Variants in LGR6 observed in about 807,000 individuals in gnomAD.
The protein encoded by LGR6 is leucine rich repeat containing G protein-coupled receptor 6.
In LGR6, 45 loss-of-function variants were observed where a neutral mutation model predicts 69.4. The observed-to-expected ratio is 0.65, with a 90% CI of 0.51 to 0.83. The LOEUF is 0.83. LGR6 is among the 40% of genes least tolerant of loss of function. The probability of loss-of-function intolerance (pLI) is 0.00; values close to 1 mark genes in which losing one functional copy is unlikely to be tolerated. For synonymous variants in LGR6, 538 were observed against 555.0 expected, an observed-to-expected ratio of 0.97 and a Z score of 0.43; for missense variants, 1,108 against 1,246.7, an observed-to-expected ratio of 0.89 and a Z score of 1.68.
At chr1:202,223,832 A>C (rs1660324566) in intron 1 of LGR6, among the ~76,000 whole-genome samples, 1 of 26,576 alleles carries the variant, frequency 3.8e-5, no homozygotes, top group Non-Finnish European at 7.0e-5. Context: ...CAAGTGTCCC[A>C]GCCCCACAGG....
chr1:202,234,702 GTT>G (rs1300061257), intron 3 of LGR6, among the ~76,000 whole-genome samples: 1 of 152,186 alleles, frequency 6.6e-6, no homozygotes, highest in Non-Finnish European at 1.5e-5. Flanking sequence ...ACAAGGGTGA[GTT>G]TGAATTAATA....
intron 1 of LGR6, among the ~76,000 whole-genome samples, chr1:202,205,397 A>AAC (rs1659145916): frequency 3.7e-3 from 6 of 1,600 alleles, no homozygotes; most frequent in African/African-American, 0.012. Flanking sequence ...ACCTCCTTCA[A>AAC]ACACACACAC....
chr1:202,319,378 G>T lies in LGR6; in HGVS notation c.*171G>T. ...CTCTCTCCTGTGACCATCACCAACG[G>T]GTGCCTCTTGGCCTGGCTTTCCCTT... On this transcript the variant is annotated 3_prime_UTR_variant, in exon 18 of 18. Coordinates refer to ENST00000367278, the MANE Select transcript of LGR6 (RefSeq NM_001017403.2). The T allele has an allele frequency of 1.5e-6, 1 of 665,554 alleles. No homozygotes were observed. The highest frequency in any genetic ancestry group is 2.4e-6 in the Non-Finnish European group (1 of 424,786). The allele number at this position is 665,554 out of a possible 1,614,324, so 41.2% of individuals were successfully genotyped here.
chr1:202,306,478 A>G (rs2148283025), intron 12 of LGR6, among the ~76,000 whole-genome samples: 1 of 152,190 alleles, frequency 6.6e-6, no homozygotes, highest in Admixed American at 6.5e-5. Flanking sequence ...CCATTCAACC[A>G]GTCTACTGAG....
intron 17 of LGR6, 111 bp downstream of exon 17, chr1:202,314,993 G>C: frequency 7.9e-6 from 6 of 762,518 alleles, no homozygotes; most frequent in Non-Finnish European, 1.4e-5. Context: ...TTCTTTGCCT[G>C]ACTCCCAGCC....
In LGR6 at chr1:202,300,842, C is replaced by T; in HGVS notation, c.786-7C>T. 6.2e-7 allele frequency: 1 copy of T among 1,605,356 alleles called. No individual in the cohort carries two copies. Among genetic ancestry groups the T allele is most frequent in the South Asian group, 1.1e-5 (1 of 89,444 alleles). ...AATCCTCACTGGTTCCTGGTGTTGT[C>T]TTCCAGGGGGTTCCATAACAACAAC... On this transcript the variant is annotated splice_region_variant and splice_polypyrimidine_tract_variant and intron_variant, in intron 7 of 17. Transcript: ENST00000367278.
intron 6 of LGR6, among the ~76,000 whole-genome samples, chr1:202,291,677 C>G (rs985114532): frequency 3.9e-5 from 6 of 152,178 alleles, no homozygotes; most frequent in African/African-American, 1.4e-4. Flanking sequence ...GGACTTCAAT[C>G]CCCGCCCTTC....
chr1:202,308,192 A>G (rs1030452862), intron 14 of LGR6, among the ~76,000 whole-genome samples: 16 of 152,242 alleles, frequency 1.1e-4, no homozygotes, highest in African/African-American at 3.9e-4. Context: ...GCCAAGGGCC[A>G]GGACTCCCAG....
chr1:202,307,964 C>T (rs1428974149), intron 14 of LGR6, among the ~76,000 whole-genome samples: 2 of 152,214 alleles, frequency 1.3e-5, no homozygotes, highest in African/African-American at 4.8e-5. Context: ...AGGTTATTCA[C>T]TGCGCAAGCA....
rs543091649 is a variant in LGR6 at position 202,234,425 on chromosome 1, G to A, written c.357-1497G>A. Among the ~76,000 whole-genome samples the A allele has an allele frequency of 1.1e-3, 173 of 152,164 alleles. 1 individual carries two copies. The highest frequency in any genetic ancestry group is 1.9e-3 in the Non-Finnish European group (127 of 68,036). On this transcript the variant is annotated intron_variant, in intron 3 of 17. Coordinates refer to ENST00000367278, the MANE Select transcript of LGR6 (RefSeq NM_001017403.2). ...TCATATTTGAGATTTTCACATACCCGTAAGAGGAGTTTAAGAGAGATGACA... is the reference window on the plus strand; with the variant it reads ...TCATATTTGAGATTTTCACATACCCATAAGAGGAGTTTAAGAGAGATGACA...
chr1:202,306,773 G>A (rs1653234946), intron 12 of LGR6, 95 bp from the exon 13 acceptor site: 1 of 1,109,328 alleles, frequency 9.0e-7, no homozygotes, highest in Non-Finnish European at 1.4e-6. Context: ...AGGAGAAGTG[G>A]GGGGCTCTAC....
At chr1:202,277,686 G>A (rs1028097443) in intron 5 of LGR6, among the ~76,000 whole-genome samples, 3 of 152,166 alleles carry the variant, frequency 2.0e-5, no homozygotes, top group African/African-American at 7.2e-5. Flanking sequence ...TATAGCCACT[G>A]CCCTTGAGGG....
rs575726422 is a variant in LGR6, at chr1:202,261,546, G to A, written c.429-14760G>A. ...GTGAATAGTGCCGCAATAAACATAC[G>A]TGTGCATGTGTCTTTATAACAGCAT... On this transcript the variant is annotated intron_variant, in intron 4 of 17. Coordinates refer to ENST00000367278, the MANE Select transcript of LGR6 (RefSeq NM_001017403.2). Among the ~76,000 whole-genome samples, 731 of 152,196 alleles carry A rather than the reference G, an allele frequency of 4.8e-3. 7 individuals carry two copies. Among genetic ancestry groups the A allele is most frequent in the Non-Finnish European group, 5.0e-3 (339 of 68,020 alleles).
At chr1:202,201,911 G>T (rs752789916) in intron 1 of LGR6, among the ~76,000 whole-genome samples, 17 of 152,180 alleles carry the variant, frequency 1.1e-4, no homozygotes, top group Non-Finnish European at 2.4e-4. Flanking sequence ...CCTACTGTCT[G>T]CTGGATCCTC....
intron 4 of LGR6, among the ~76,000 whole-genome samples, chr1:202,260,092 C>T (rs543637589): frequency 2.0e-5 from 3 of 152,252 alleles, no homozygotes; most frequent in Middle Eastern, 3.4e-3. Context: ...TCTGTCGTCC[C>T]GGCTGGAGTG....
intron 4 of LGR6, among the ~76,000 whole-genome samples, chr1:202,250,728 G>T (rs1273835989): frequency 1.3e-5 from 2 of 152,106 alleles, no homozygotes; most frequent in African/African-American, 4.8e-5. Flanking sequence ...TAAAATTCAG[G>T]ATTCCCCATT....
At chr1:202,281,042 C>A in intron 6 of LGR6, 190 bp downstream of exon 6, 1 of 578,420 alleles carries the variant, frequency 1.7e-6, no homozygotes, top group Admixed American at 3.3e-5. Context: ...ATTTCTTCCT[C>A]CTTCAGGTGG....
chr1:202,240,537 T>C (rs951054425), intron 4 of LGR6, among the ~76,000 whole-genome samples: 27 of 152,088 alleles, frequency 1.8e-4, no homozygotes, highest in Admixed American at 1.1e-3. Context: ...CCTGGGAAGT[T>C]GGTCAGTTGA....
chr1:202,204,551 C>T (rs1571806249), intron 1 of LGR6, among the ~76,000 whole-genome samples: 2 of 148,366 alleles, frequency 1.3e-5, no homozygotes, highest in Non-Finnish European at 3.0e-5. Flanking sequence ...CAAACACACA[C>T]ACACCTCCAA....
Sources: allele counts gnomAD v4.1 joint callset (sites outside exome capture counted in the v4.1 genomes callset), GRCh38; gene constraint gnomAD v4.1.1; transcripts MANE v1.5; gene names NCBI Gene and HGNC (gene_info 2026-07-23, HGNC 2026-07-21).